The following TNIK variants were observed in gnomAD, a reference collection of about 807,000 sequenced individuals.
The protein encoded by TNIK is TRAF2 and NCK-interacting protein kinase.
In TNIK, 49 loss-of-function variants were observed where a neutral mutation model predicts 191.3. The ratio of observed to expected loss-of-function variants is 0.26; its 90% CI spans 0.20 to 0.32. TNIK has a LOEUF of 0.32. Among genes scored for constraint, TNIK ranks in the 10% least tolerant of loss-of-function variants. The pLI is 1.00. For missense variants in TNIK, 1,155 were observed against 1,702.3 expected (o/e 0.68, Z 5.66); for synonymous variants, 594 against 600.9 (o/e 0.99, Z 0.17).
chr3:171,407,350 T>C (rs1721827963), intron 1 of TNIK, among the ~76,000 whole-genome samples: 1 of 152,188 alleles, frequency 6.6e-6, no homozygotes, highest in Non-Finnish European at 1.5e-5. Context: ...CTATTAACCT[T>C]CCAGAGTTAT....
At chr3:171,415,973 C>CAAAAAAAAA (rs769531813) in intron 1 of TNIK, among the ~76,000 whole-genome samples, 11 of 12,532 alleles carry the variant, frequency 8.8e-4, no homozygotes, top group East Asian at 2.6e-3. Context: ...GAGACTGTCT[C>CAAAAAAAAA]AAAAAAAAAA....
At chr3:171,148,677 T>C (rs1036720238) in intron 12 of TNIK, among the ~76,000 whole-genome samples, 1 of 152,194 alleles carries the variant, frequency 6.6e-6, no homozygotes. Context: ...TGCTAACTTA[T>C]ACGTAGAAAG....
intron 2 of TNIK, among the ~76,000 whole-genome samples, chr3:171,340,598 C>T (rs1158893271): frequency 6.6e-6 from 1 of 152,168 alleles, no homozygotes; most frequent in Admixed American, 6.5e-5. Context: ...TATACTTACT[C>T]GTGGACTTTA....
intron 1 of TNIK, among the ~76,000 whole-genome samples, chr3:171,395,738 G>A (rs1240274205): frequency 6.6e-6 from 1 of 152,114 alleles, no homozygotes; most frequent in Non-Finnish European, 1.5e-5. Context: ...TATGCGTGCA[G>A]TTCAAATAAT....
At chr3:171,345,638 T>TC (rs1249447943) in intron 2 of TNIK, among the ~76,000 whole-genome samples, 1 of 151,998 alleles carries the variant, frequency 6.6e-6, no homozygotes, top group Admixed American at 6.6e-5. Context: ...TTGCACCACA[T>TC]CAGCATATGA....
intron 3 of TNIK, among the ~76,000 whole-genome samples, chr3:171,223,039 G>A (rs1027918708): frequency 1.3e-5 from 2 of 152,198 alleles, no homozygotes; most frequent in Admixed American, 6.5e-5. Context: ...TAAAAACCTT[G>A]TAAACTCCTT....
intron 12 of TNIK, among the ~76,000 whole-genome samples, chr3:171,152,692 G>A (rs1455235925): frequency 6.6e-6 from 1 of 152,148 alleles, no homozygotes; most frequent in African/African-American, 2.4e-5. Context: ...TGGGCAGGTT[G>A]CTTCCCTTCC....
At chr3:171,131,818 T>C (rs954769529) in intron 15 of TNIK, among the ~76,000 whole-genome samples, 2 of 152,176 alleles carry the variant, frequency 1.3e-5, no homozygotes, top group Admixed American at 6.5e-5. Flanking sequence ...CTTCTCCTAA[T>C]AATACCTTCA....
intron 3 of TNIK, among the ~76,000 whole-genome samples, 185 bp downstream of exon 3, chr3:171,227,980 G>A (rs574806548): frequency 3.5e-4 from 53 of 152,276 alleles, no homozygotes; most frequent in African/African-American, 1.2e-3. Context: ...GTAGGCTAAC[G>A]TAAGTGTTCT....
intron 1 of TNIK, among the ~76,000 whole-genome samples, chr3:171,429,275 C>T (rs1725046263): frequency 6.6e-6 from 1 of 152,194 alleles, no homozygotes; most frequent in Admixed American, 6.6e-5. Context: ...CCTAGGATAT[C>T]TACTAGAGTC....
intron 18 of TNIK, among the ~76,000 whole-genome samples, chr3:171,113,516 G>A (rs1481999656): frequency 1.3e-5 from 2 of 151,752 alleles, no homozygotes; most frequent in African/African-American, 4.8e-5. Flanking sequence ...TGAGGCAGGA[G>A]AATGGCGTGA....
chr3:171,211,188 A>T lies in TNIK; in HGVS notation c.234T>A (p.His78Gln), dbSNP rs778434794. The change falls in exon 4 of 33, where the codon CAT (histidine) becomes CAA (glutamine). Residue 78 changes from histidine to glutamine, a missense_variant. Transcript: ENST00000436636. ...CATAGTATGTAGCAATATTCCGGTG[A>T]TGAGAATATTTCTTCAACATGTTAA... ...QEINMLKKYSHHRNIATYYGA... is the reference protein window; with the variant it reads ...QEINMLKKYSQHRNIATYYGA... 2.5e-6 allele frequency: 4 copies of T among 1,612,812 alleles called. No homozygotes were observed. In the East Asian group the frequency reaches 6.7e-5, roughly 27 times the overall value.
intron 2 of TNIK, among the ~76,000 whole-genome samples, chr3:171,249,808 A>C (rs558613594): frequency 1.3e-5 from 2 of 152,292 alleles, no homozygotes; most frequent in Non-Finnish European, 2.9e-5. Context: ...AGTTGGAACC[A>C]ATCCAACCCA....
chr3:171,231,507 C>A (rs1161315223), intron 2 of TNIK, among the ~76,000 whole-genome samples: 1 of 152,068 alleles, frequency 6.6e-6, no homozygotes, highest in Non-Finnish European at 1.5e-5. Flanking sequence ...GGAGGTGGAA[C>A]AATTAGCAGC....
intron 23 of TNIK, among the ~76,000 whole-genome samples, chr3:171,093,326 G>A (rs57822639): frequency 0.1 from 15,975 of 152,206 alleles, 980 homozygotes; most frequent in Middle Eastern, 0.16. Context: ...GTACATTTTT[G>A]AAGTAGATCT....
chr3:171,232,341 GAA>G (rs538492715), intron 2 of TNIK, among the ~76,000 whole-genome samples: 1 of 133,412 alleles, frequency 7.5e-6, no homozygotes. Context: ...ATGTATGAAT[GAA>G]AAAAAAAAAC....
chr3:171,360,509 C>A (rs976995226), intron 2 of TNIK, among the ~76,000 whole-genome samples: 6 of 152,172 alleles, frequency 3.9e-5, no homozygotes, highest in African/African-American at 1.4e-4. Flanking sequence ...AGCCAGACCT[C>A]TTCGTTATAC....
rs1745016174 is a variant in TNIK, at chr3:171,241,789, T to C, written c.124-13568A>G. ...ACCCAAATGTCCATCGATGATAGAC[T>C]GGATTAAGAAAATGTGGCACATATA... On this transcript the variant is annotated intron_variant, in intron 2 of 32. Coordinates refer to ENST00000436636, the MANE Select transcript of TNIK (RefSeq NM_015028.4). Among the ~76,000 whole-genome samples, 3 of 152,050 alleles carry C rather than the reference T, an allele frequency of 2.0e-5. No individual in the cohort carries two copies. The South Asian group carries it at 6.2e-4, about 32-fold the overall frequency.
intron 2 of TNIK, among the ~76,000 whole-genome samples, chr3:171,280,390 A>G (rs1430921729): frequency 1.3e-5 from 2 of 152,214 alleles, no homozygotes; most frequent in East Asian, 1.9e-4. Flanking sequence ...CTTACAAGTT[A>G]TGTGTCTTTG....
Sources: gnomAD v4.1 joint callset for allele counts (sites outside exome capture counted in the v4.1 genomes callset) on GRCh38, gnomAD v4.1.1 for gene constraint, MANE v1.5 for transcripts, NCBI Gene and HGNC (gene_info 2026-07-23, HGNC 2026-07-21) for gene names.